VWF: variants seen among roughly 807,000 people sequenced by gnomAD.
VWF encodes Factor VIII related antigen.
Under a neutral mutation model 308.6 loss-of-function variants are expected in VWF, and 176 were observed. The observed-to-expected ratio is 0.57, with a 90% CI of 0.50 to 0.65. The LOEUF (loss-of-function observed/expected upper bound fraction) is 0.65. Among genes scored for constraint, VWF ranks in the 30% least tolerant of loss-of-function variants. VWF has a pLI of 0.00. For synonymous variants in VWF, 1,385 were observed against 1,443.4 expected (o/e 0.96, Z 0.92); for missense variants, 3,146 against 3,648.2 (o/e 0.86, Z 3.55).
At chr12:5,994,852 A>C (rs1943791540) in intron 35 of VWF, among the ~76,000 whole-genome samples, 1 of 152,182 alleles carries the variant, frequency 6.6e-6, no homozygotes, top group Non-Finnish European at 1.5e-5. Context: ...TGCACCAAGA[A>C]CCTAAAAGCC....
At chr12:6,099,177 A>G (rs1945135244) in intron 5 of VWF, among the ~76,000 whole-genome samples, 1 of 151,910 alleles carries the variant, frequency 6.6e-6, no homozygotes. Flanking sequence ...AAAATTAGCC[A>G]GGCGTGGGGG....
At chr12:5,952,106 G>T (rs1943198581) in intron 49 of VWF, among the ~76,000 whole-genome samples, 1 of 152,150 alleles carries the variant, frequency 6.6e-6, no homozygotes, top group South Asian at 2.1e-4. Context: ...GAGTCATCAG[G>T]ATCTTCATTC....
chr12:6,103,438 A>ATACACACGTGTGTG (rs1945200434), intron 5 of VWF, among the ~76,000 whole-genome samples: 1 of 122,176 alleles, frequency 8.2e-6, no homozygotes, highest in Admixed American at 7.9e-5. Flanking sequence ...ACACGTGTGT[A>ATACACACGTGTGTG]TATACATACA....
chr12:6,080,642 A>G (rs949281395), intron 6 of VWF, among the ~76,000 whole-genome samples: 1 of 152,244 alleles, frequency 6.6e-6, no homozygotes, highest in African/African-American at 2.4e-5. Flanking sequence ...ACTCCAGCCC[A>G]GTCTTGCCGA....
At chr12:6,015,857 A>C (rs1019255178) in intron 31 of VWF, among the ~76,000 whole-genome samples, 21 of 152,222 alleles carry the variant, frequency 1.4e-4, no homozygotes, top group African/African-American at 5.1e-4. Context: ...GAGAAATTAA[A>C]GATTATAATT....
intron 8 of VWF, 132 bp from the exon 9 acceptor site, chr12:6,072,574 T>C: frequency 1.3e-6 from 1 of 750,150 alleles, no homozygotes; most frequent in Non-Finnish European, 2.3e-6. Context: ...GTGGTGTTTA[T>C]CTTTCACATA....
At position 6,121,202 on chromosome 12, in the gene VWF, GC is replaced by G. The variant is rs62643618; in HGVS notation, c.191del (p.Gly64AlafsTer19). ...AGYCSYLLAG[G>X]CQKRSFSIIG... ...TAATCGAGAAGGAGCGTTTCTGGCA[GC>G]CCCCTGCCAGGAGGTAACTGCAGTA... is the stretch of plus-strand genomic sequence containing the variant. On this transcript the variant is annotated frameshift_variant, in exon 3 of 52. Coordinates refer to ENST00000261405, the MANE Select transcript of VWF (RefSeq NM_000552.5). LOFTEE classifies it high-confidence loss of function. The G allele has an allele frequency of 6.2e-7, 1 of 1,614,092 alleles. No individual in the cohort carries two copies. Among genetic ancestry groups the G allele is most frequent in the Admixed American group, 1.7e-5 (1 of 60,004 alleles).
chr12:6,047,194 G>A (rs1470795588), intron 16 of VWF, among the ~76,000 whole-genome samples: 1 of 152,018 alleles, frequency 6.6e-6, no homozygotes, highest in East Asian at 1.9e-4. Flanking sequence ...CTCTGTCCTA[G>A]GCTCGCTCCT....
At chr12:6,053,671 T>C (rs1017864369) in intron 15 of VWF, among the ~76,000 whole-genome samples, 16 of 152,160 alleles carry the variant, frequency 1.1e-4, no homozygotes, top group Admixed American at 4.6e-4. Context: ...GGTCCACCAC[T>C]AGCTGGCTGT....
At chr12:6,093,372 A>G (rs1945071221) in intron 6 of VWF, among the ~76,000 whole-genome samples, 1 of 152,106 alleles carries the variant, frequency 6.6e-6, no homozygotes, top group Non-Finnish European at 1.5e-5. Flanking sequence ...ACATCCAGTG[A>G]CCAACAGGGG....
intron 10 of VWF, among the ~76,000 whole-genome samples, chr12:6,065,746 AAC>A (rs996772503): frequency 9.9e-5 from 15 of 152,150 alleles, no homozygotes; most frequent in African/African-American, 3.6e-4. Context: ...GGCTCTGGGA[AAC>A]AGTGTCACCC....
In VWF at chr12:6,063,960, A is replaced by G. The variant is rs897918255; in HGVS notation, c.1432+286T>C. Among the ~76,000 whole-genome samples, 1 of 152,146 alleles carries G rather than the reference A, an allele frequency of 6.6e-6. No homozygotes were observed. Among genetic ancestry groups the G allele is most frequent in the African/African-American group, 2.4e-5 (1 of 41,434 alleles). On this transcript the variant is annotated intron_variant, in intron 12 of 51. Transcript: ENST00000261405. This position sits in a 1 kb window ranked among gnomAD's most constrained non-coding sequence, Gnocchi z 4.9. ...CAACTCGCCCCTTTGGTTCAAGCCA[A>G]ATAAAAATCCTCTCGGTTCCCTTTT... is the stretch of plus-strand genomic sequence containing the variant.
intron 31 of VWF, among the ~76,000 whole-genome samples, chr12:6,014,971 A>C (rs1331824121): frequency 1.3e-5 from 2 of 152,240 alleles, no homozygotes; most frequent in African/African-American, 4.8e-5. Flanking sequence ...AAGGAGAAAA[A>C]ATCTCCATCC....
At chr12:5,985,415 T>G in intron 39 of VWF, 148 bp downstream of exon 39, 1 of 911,184 alleles carries the variant, frequency 1.1e-6, no homozygotes, top group Non-Finnish European at 1.7e-6. Context: ...TGATGGGAAA[T>G]GCAGGCTGGG....
intron 6 of VWF, among the ~76,000 whole-genome samples, chr12:6,077,358 C>G (rs2076122786): frequency 6.6e-6 from 1 of 152,174 alleles, no homozygotes; most frequent in African/African-American, 2.4e-5. Flanking sequence ...AAAGCACCCA[C>G]CGGCATGGGC....
rs748759913 is a variant in VWF, at chr12:5,981,848, A to T, written c.7225T>A (p.Tyr2409Asn). ...VNSTVSCPLGYLASTATNDCG... is the reference protein window; with the variant it reads ...VNSTVSCPLGNLASTATNDCG... Reference sequence around the variant, plus strand: ...TCATTGGTGGCAGTTGAGGCCAAGTACCCAAGGGGACAGCTCACTGTGGAG... The same window carrying T: ...TCATTGGTGGCAGTTGAGGCCAAGTTCCCAAGGGGACAGCTCACTGTGGAG... Residue 2409 changes from tyrosine (Y) to asparagine (N), a missense_variant, in exon 42 of 52, where the codon TAC (tyrosine) becomes AAC (asparagine). This residue lies in a region of VWF where 989 missense variants were observed against 1,117.4 expected (regional missense o/e 0.89). Coordinates refer to ENST00000261405, the MANE Select transcript of VWF (RefSeq NM_000552.5). The T allele has an allele frequency of 6.2e-7, 1 of 1,612,282 alleles. No individual in the cohort carries two copies. The highest frequency in any genetic ancestry group is 1.7e-5 in the Admixed American group (1 of 59,902).
chr12:5,969,650 C>T (rs1219004283), intron 44 of VWF, among the ~76,000 whole-genome samples: 1 of 152,224 alleles, frequency 6.6e-6, no homozygotes, highest in Non-Finnish European at 1.5e-5. Context: ...ACTCACCCTC[C>T]CTTCCTCAGC....
intron 6 of VWF, among the ~76,000 whole-genome samples, chr12:6,092,424 C>T (rs986556167): frequency 6.6e-6 from 1 of 151,898 alleles, no homozygotes. Context: ...CTCACTGCAG[C>T]TTCTGCCTCC....
chr12:6,069,146 A>G (rs1186394110), intron 10 of VWF, among the ~76,000 whole-genome samples: 1 of 152,112 alleles, frequency 6.6e-6, no homozygotes, highest in Non-Finnish European at 1.5e-5. Context: ...GTGAGCCACC[A>G]TGCCTGGCAT....
Sources: gnomAD v4.1 joint callset for allele counts (sites outside exome capture counted in the v4.1 genomes callset) on GRCh38, gnomAD v4.1.1 for gene constraint, gnomAD v4.1.1 regional missense constraint, Gnocchi (gnomAD v3.1) non-coding constraint, MANE v1.5 for transcripts, NCBI Gene and HGNC (gene_info 2026-07-23, HGNC 2026-07-21) for gene names.